The following HCN1 variants were observed in gnomAD, a reference collection of about 807,000 sequenced individuals.
The protein encoded by HCN1 is potassium/sodium hyperpolarization-activated cyclic nucleotide-gated channel 1.
A neutral mutation model predicts 78.9 loss-of-function variants in HCN1; 13 were observed. The ratio of observed to expected loss-of-function variants is 0.16; its 90% CI spans 0.11 to 0.26. The LOEUF is 0.26. HCN1 is among the 10% of genes least tolerant of loss of function. The probability of loss-of-function intolerance (pLI) is 1.00; values close to 1 mark genes in which losing one functional copy is unlikely to be tolerated. For missense variants in HCN1, 810 were observed against 1,154.3 expected (o/e 0.70, Z 4.32); for synonymous variants, 552 against 455.5 (o/e 1.21, Z -2.70).
In HCN1 at chr5:45,376,136, T is replaced by G. The variant is rs547701883; in HGVS notation, c.1230+20356A>C. 9.4e-5 allele frequency among the ~76,000 whole-genome samples: 10 copies of G among 106,372 alleles called. No individual in the cohort carries two copies. The South Asian group carries it at 2.8e-3, about 30-fold the overall frequency. The allele number at this position is 106,372 out of a possible 152,430, so 69.8% of individuals were successfully genotyped here. Reference sequence around the variant, plus strand: ...AATATATAATATGTTATATAAAATATAATATATTATATATAATATAATATT... The same window carrying G: ...AATATATAATATGTTATATAAAATAGAATATATTATATATAATATAATATT... On this transcript the variant is annotated intron_variant, in intron 4 of 7. Coordinates refer to ENST00000303230, the MANE Select transcript of HCN1 (RefSeq NM_021072.4).
At chr5:45,433,214 G>A (rs919087016) in intron 3 of HCN1, among the ~76,000 whole-genome samples, 3 of 152,030 alleles carry the variant, frequency 2.0e-5, no homozygotes, top group African/African-American at 7.2e-5. Flanking sequence ...CAGGAATAAA[G>A]CCTACTTTAT....
Position 45,262,458 on chromosome 5 carries a change from C to T in HCN1, c.2136G>A (p.Leu712=), listed in dbSNP as rs762682936. The change falls in exon 8 of 8, where the codon CTG becomes CTA. Residue 712 remains leucine, a synonymous_variant. Coordinates refer to ENST00000303230, the MANE Select transcript of HCN1 (RefSeq NM_021072.4). ...AVCSPPVQSP[L]AARTFHYASP... is the part of the protein sequence containing the mutation. ...AGGCATAGTGGAAAGTTCGAGCGGCCAGAGGGCTCTGTACAGGAGGGCTGC... is the reference window on the plus strand; with the variant it reads ...AGGCATAGTGGAAAGTTCGAGCGGCTAGAGGGCTCTGTACAGGAGGGCTGC... 1 of 1,612,468 alleles carries T rather than the reference C, an allele frequency of 6.2e-7. No individual in the cohort carries two copies. Among genetic ancestry groups the T allele is most frequent in the Non-Finnish European group, 8.5e-7 (1 of 1,179,746 alleles).
intron 5 of HCN1, among the ~76,000 whole-genome samples, chr5:45,318,099 T>G (rs1001828978): frequency 2.0e-5 from 3 of 152,112 alleles, no homozygotes; most frequent in African/African-American, 4.8e-5. Context: ...CATGCAGCTA[T>G]AAAAACACAC....
intron 2 of HCN1, among the ~76,000 whole-genome samples, chr5:45,615,010 T>A (rs1744915135): frequency 6.6e-6 from 1 of 151,950 alleles, no homozygotes. Flanking sequence ...TTAATTTGTT[T>A]TTAATTTTCC....
chr5:45,597,897 G>A (rs1442556995), intron 2 of HCN1, among the ~76,000 whole-genome samples: 7 of 152,114 alleles, frequency 4.6e-5, no homozygotes, highest in Admixed American at 4.6e-4. Flanking sequence ...ACAAACCACT[G>A]CTCAACAAAA....
intron 5 of HCN1, among the ~76,000 whole-genome samples, chr5:45,350,992 C>A (rs1322437139): frequency 6.6e-6 from 1 of 152,094 alleles, no homozygotes; most frequent in Non-Finnish European, 1.5e-5. Flanking sequence ...ATCAAGCTAC[C>A]AATGACTGTC....
chr5:45,637,018 A>C (rs1359366016), intron 2 of HCN1, among the ~76,000 whole-genome samples: 3 of 152,230 alleles, frequency 2.0e-5, no homozygotes, highest in Non-Finnish European at 4.4e-5. Context: ...TATGTTCAAC[A>C]ATAACATCTC....
chr5:45,332,124 A>G (rs1249382001), intron 5 of HCN1, among the ~76,000 whole-genome samples: 1 of 151,470 alleles, frequency 6.6e-6, no homozygotes, highest in African/African-American at 2.4e-5. Flanking sequence ...AGCTCAGTGT[A>G]GAGCCTGGAT....
At chr5:45,523,608 C>G (rs1188167724) in intron 2 of HCN1, among the ~76,000 whole-genome samples, 1 of 152,182 alleles carries the variant, frequency 6.6e-6, no homozygotes, top group East Asian at 1.9e-4. Flanking sequence ...CTCTGATGGC[C>G]AGTGATGGTG....
chr5:45,490,082 A>T (rs1454019129), intron 2 of HCN1, among the ~76,000 whole-genome samples: 1 of 152,196 alleles, frequency 6.6e-6, no homozygotes, highest in Non-Finnish European at 1.5e-5. Flanking sequence ...TACGTATAGA[A>T]ATTAACCAGG....
At chr5:45,688,262 T>C (rs1004294089) in intron 1 of HCN1, among the ~76,000 whole-genome samples, 22 of 152,176 alleles carry the variant, frequency 1.4e-4, no homozygotes, top group Non-Finnish European at 1.5e-5. Context: ...GAATTATTTA[T>C]ACTGGCAGCC....
At chr5:45,388,082 A>T (rs573502413) in intron 4 of HCN1, among the ~76,000 whole-genome samples, 1 of 152,236 alleles carries the variant, frequency 6.6e-6, no homozygotes, top group East Asian at 1.9e-4. Context: ...CTACCAAACC[A>T]AATACAGACG....
chr5:45,396,821 C>T, intron 3 of HCN1, 111 bp from the exon 4 acceptor site: 2 of 806,326 alleles, frequency 2.5e-6, no homozygotes, highest in Admixed American at 3.8e-5. Flanking sequence ...TGGAAAAATC[C>T]TTACAATGGA....
At chr5:45,669,292 T>C (rs1253050445) in intron 1 of HCN1, among the ~76,000 whole-genome samples, 1 of 151,808 alleles carries the variant, frequency 6.6e-6, no homozygotes, top group Admixed American at 6.6e-5. Flanking sequence ...TTGCCTGTAC[T>C]TGAAGAGAGG....
chr5:45,274,079 AGATT>A (rs1390567555), intron 6 of HCN1, among the ~76,000 whole-genome samples: 4 of 152,176 alleles, frequency 2.6e-5, no homozygotes, highest in Non-Finnish European at 2.9e-5. Flanking sequence ...TCTGAAAAAG[AGATT>A]GAATACAACA....
At chr5:45,480,456 G>A (rs2111673275) in intron 2 of HCN1, among the ~76,000 whole-genome samples, 1 of 152,210 alleles carries the variant, frequency 6.6e-6, no homozygotes, top group Admixed American at 6.5e-5. Flanking sequence ...AACTCATTAA[G>A]TTTGAGCATT....
chr5:45,572,668 T>C (rs1743859859), intron 2 of HCN1, among the ~76,000 whole-genome samples: 1 of 152,138 alleles, frequency 6.6e-6, no homozygotes, highest in African/African-American at 2.4e-5. Context: ...TTACCATACA[T>C]AAAAGATTGG....
At chr5:45,340,631 C>T (rs1427809485) in intron 5 of HCN1, among the ~76,000 whole-genome samples, 1 of 151,772 alleles carries the variant, frequency 6.6e-6, no homozygotes, top group African/African-American at 2.4e-5. Flanking sequence ...ATTTAAAAAG[C>T]AAAATATGTT....
chr5:45,637,475 T>A (rs543960555), intron 2 of HCN1, among the ~76,000 whole-genome samples: 11 of 151,754 alleles, frequency 7.2e-5, no homozygotes, highest in Non-Finnish European at 1.5e-4. Flanking sequence ...AAAGCTATGA[T>A]ATCTGCCCTT....
Sources: allele counts gnomAD v4.1 joint callset (sites outside exome capture counted in the v4.1 genomes callset), GRCh38; gene constraint gnomAD v4.1.1; transcripts MANE v1.5; gene names NCBI Gene and HGNC (gene_info 2026-07-23, HGNC 2026-07-21).